The following SMC3 variants were observed in gnomAD, a reference collection of about 807,000 sequenced individuals.
SMC3 encodes the protein structural maintenance of chromosomes protein 3.
SMC3 carries 20 observed loss-of-function variants against 171.8 expected under a neutral mutation model. That is an observed-to-expected ratio of 0.12 (90% CI 0.08 to 0.17). The LOEUF is 0.17. Among genes scored for constraint, SMC3 ranks in the 10% least tolerant of loss-of-function variants. SMC3 has a pLI of 1.00. For synonymous variants in SMC3, 464 were observed against 451.1 expected (o/e 1.03, Z -0.36); for missense variants, 543 against 1,420.4 (o/e 0.38, Z 9.93).
chr10:110,601,590 C>G (rs1590570751), intron 23 of SMC3, 47 bp from the exon 24 acceptor site: 3 of 1,585,328 alleles, frequency 1.9e-6, no homozygotes, highest in Non-Finnish European at 8.6e-7. Context: ...ACATATAACA[C>G]TGGCTTTATA....
chr10:110,602,265 T>G, intron 25 of SMC3, 87 bp downstream of exon 25: 1 of 1,244,142 alleles, frequency 8.0e-7, no homozygotes, highest in South Asian at 1.2e-5. Flanking sequence ...AAAGCTGTTT[T>G]CCTCATTACC....
chr10:110,601,254 T>C, intron 23 of SMC3, 124 bp downstream of exon 23: 2 of 748,150 alleles, frequency 2.7e-6, no homozygotes, highest in Non-Finnish European at 4.7e-6. Context: ...TTATAAACAA[T>C]GTATAGCAAA....
At chr10:110,587,649 G>A (rs1309600440) in intron 13 of SMC3, among the ~76,000 whole-genome samples, 10 of 149,592 alleles carry the variant, frequency 6.7e-5, no homozygotes, top group Non-Finnish European at 1.5e-4. Flanking sequence ...TTGCACCACT[G>A]CACTCCAGCC....
chr10:110,598,235 A>G lies in SMC3; in HGVS notation c.2213A>G (p.Glu738Gly). Residue 738 changes from glutamate (E) to glycine (G), a missense_variant, in exon 20 of 29, where the codon GAA (glutamate) becomes GGA (glycine). Physicochemically the swap from Glu to Gly is moderately conservative, Grantham distance 98. Around this residue, in one of 8 missense-constraint regions of SMC3, gnomAD observed 218 missense variants for 509.6 expected, o/e 0.43. Transcript: ENST00000361804. Reference protein sequence around the residue: ...FKASRDSILSEMKMLKEKRQQ... With the variant: ...FKASRDSILSGMKMLKEKRQQ... ...GCATCTAGAGATAGCATATTATCAGAAATGAAGATGCTAAAAGAGAAGAGG... is the reference window on the plus strand; with the variant it reads ...GCATCTAGAGATAGCATATTATCAGGAATGAAGATGCTAAAAGAGAAGAGG... The G allele has an allele frequency of 6.2e-7, 1 of 1,613,978 alleles. No individual in the cohort carries two copies. The highest frequency in any genetic ancestry group is 8.5e-7 in the Non-Finnish European group (1 of 1,179,884).
At position 110,596,570 on chromosome 10, in the gene SMC3, ATAG is replaced by A. The variant is rs1861303610; in HGVS notation, c.2116+22_2116+24del. The A allele has an allele frequency of 1.9e-6, 3 of 1,609,172 alleles. No homozygotes were observed. The highest frequency in any genetic ancestry group is 1.3e-5 in the African/African-American group (1 of 74,854). On this transcript the variant is annotated intron_variant, in intron 19 of 28. Transcript: ENST00000361804. ...TTGAAAATATCTTTTTGTTTTGTGCATAGTGATAGATATTGTGGGGGAAGAACT... is the reference window on the plus strand; with the variant it reads ...TTGAAAATATCTTTTTGTTTTGTGCATGATAGATATTGTGGGGGAAGAACT...
intron 2 of SMC3, among the ~76,000 whole-genome samples, chr10:110,570,887 A>G (rs1198833451): frequency 6.6e-6 from 1 of 152,264 alleles, no homozygotes; most frequent in Non-Finnish European, 1.5e-5. Flanking sequence ...GTTGTAAGAC[A>G]TAATGTAAGA....
Position 110,602,589 on chromosome 10 carries a change from G to A in SMC3, c.3221G>A (p.Ser1074Asn), listed in dbSNP as rs749094580. ...CAGTCTCAAGATGAAGGAGAAGGGAGTGGTGAGAGTGAGAGGGGTTCTGGC... is the reference window on the plus strand; with the variant it reads ...CAGTCTCAAGATGAAGGAGAAGGGAATGGTGAGAGTGAGAGGGGTTCTGGC... ...GSQSQDEGEG[S>N]GESERGSGSQ... Residue 1074 changes from serine (S) to asparagine (N), a missense_variant, in exon 26 of 29, where the codon AGT (serine) becomes AAT (asparagine). Ser to Asn is a conservative substitution (Grantham distance 46, BLOSUM62 1). Coordinates refer to ENST00000361804, the MANE Select transcript of SMC3 (RefSeq NM_005445.4). The A allele has an allele frequency of 3.7e-6, 6 of 1,613,778 alleles. No individual in the cohort carries two copies. The East Asian group carries it at 1.3e-4, about 36-fold the overall frequency.
At chr10:110,588,180 C>T (rs1027008055) in intron 13 of SMC3, among the ~76,000 whole-genome samples, 19 of 152,058 alleles carry the variant, frequency 1.2e-4, no homozygotes, top group Non-Finnish European at 5.9e-5. Context: ...TCAGTAGAGA[C>T]GGGGTTTCAC....
chr10:110,603,174 C>A lies in SMC3; in HGVS notation c.3476-10C>A, dbSNP rs370976437. 2 of 1,595,326 alleles carry A rather than the reference C, an allele frequency of 1.3e-6. No homozygotes were observed. ...AAGAAATTTGTTAAAGCACAATTTT[C>A]TTTTTACAGATATGATTATGGAACT... On this transcript the variant is annotated splice_polypyrimidine_tract_variant and intron_variant, in intron 27 of 28. Transcript: ENST00000361804.
At chr10:110,575,279 T>C in intron 3 of SMC3, 57 bp from the exon 4 acceptor site, 1 of 1,300,696 alleles carries the variant, frequency 7.7e-7, no homozygotes, top group South Asian at 1.2e-5. Flanking sequence ...TGGGAAGTTA[T>C]AAATAAGTTA....
At chr10:110,577,957 A>C (rs768894662) in intron 6 of SMC3, 43 bp downstream of exon 6, 1 of 1,300,560 alleles carries the variant, frequency 7.7e-7, no homozygotes, top group Non-Finnish European at 1.1e-6. Flanking sequence ...ATATGTACTT[A>C]AATAGAGATG....
intron 13 of SMC3, among the ~76,000 whole-genome samples, chr10:110,584,971 A>G (rs1164484952): frequency 6.6e-6 from 1 of 151,648 alleles, no homozygotes; most frequent in African/African-American, 2.4e-5. Flanking sequence ...ACATACCCTT[A>G]ATTTAACAAG....
In SMC3 at chr10:110,598,361, T is replaced by C. The variant is rs999931841; in HGVS notation, c.2268+71T>C. ...TAATATGGAAATATGAATCATACAT[T>C]ATATGGGTTATCCTTGAATTTTATG... is the stretch of plus-strand genomic sequence containing the variant. On this transcript the variant is annotated intron_variant, in intron 20 of 28. Coordinates refer to ENST00000361804, the MANE Select transcript of SMC3 (RefSeq NM_005445.4). 2.8e-6 allele frequency: 4 copies of C among 1,427,476 alleles called. No individual in the cohort carries two copies. In the East Asian group the frequency reaches 6.9e-5, roughly 24 times the overall value. 88.4% of individuals were successfully genotyped at this position (1,427,476 alleles called of 1,614,324 possible).
chr10:110,601,134 A>G lies in SMC3; in HGVS notation c.2644+4A>G. 6.2e-7 allele frequency: 1 copy of G among 1,605,036 alleles called. No individual in the cohort carries two copies. The highest frequency in any genetic ancestry group is 8.5e-7 in the Non-Finnish European group (1 of 1,171,938). Reference sequence around the variant, plus strand: ...GACACTATGGCACGATCAGAAGGTGAATTTTTATGTAGTAAAATTTTGTTT... The same window carrying G: ...GACACTATGGCACGATCAGAAGGTGGATTTTTATGTAGTAAAATTTTGTTT... On this transcript the variant is annotated splice_donor_region_variant and intron_variant, in intron 23 of 28. Transcript: ENST00000361804.
intron 3 of SMC3, 52 bp downstream of exon 3, chr10:110,573,797 G>A (rs1458819307): frequency 8.6e-7 from 1 of 1,159,684 alleles, no homozygotes; most frequent in Admixed American, 1.7e-5. Flanking sequence ...GTATCTTAGG[G>A]TAGATTATTA....
At chr10:110,597,761 C>T (rs541537376) in intron 19 of SMC3, among the ~76,000 whole-genome samples, 2 of 152,326 alleles carry the variant, frequency 1.3e-5, no homozygotes, top group South Asian at 4.1e-4. Context: ...ACTCTTCATA[C>T]ATAAACCCTT....
At position 110,567,713 on chromosome 10, in the gene SMC3, AGCGGC is replaced by A; in HGVS notation, c.-101_-97del. ...CCATTTTGTTTGGCTGAGGGGAGCG[AGCGGC>A]GCTTTGGGGGAGGGGTCGCGTAGGC... On this transcript the variant is annotated 5_prime_UTR_variant, in exon 1 of 29. Coordinates refer to ENST00000361804, the MANE Select transcript of SMC3 (RefSeq NM_005445.4). The A allele has an allele frequency of 7.1e-7, 1 of 1,413,702 alleles. No individual in the cohort carries two copies. Among genetic ancestry groups the A allele is most frequent in the Non-Finnish European group, 9.9e-7 (1 of 1,005,994 alleles). 87.6% of individuals were successfully genotyped at this position (1,413,702 alleles called of 1,614,324 possible). A position where few individuals can be genotyped will look rare whatever the true frequency, so the allele number is the denominator to read the frequency against.
chr10:110,573,830 A>G (rs911337538), intron 3 of SMC3, 85 bp downstream of exon 3: 14 of 955,498 alleles, frequency 1.5e-5, no homozygotes, highest in Non-Finnish European at 2.2e-5. Flanking sequence ...TTCTGAGGTT[A>G]TGTATTCATG....
At chr10:110,583,126 A>G (rs1372609024) in intron 10 of SMC3, among the ~76,000 whole-genome samples, 1 of 151,946 alleles carries the variant, frequency 6.6e-6, no homozygotes. Context: ...TCCTGGGTTC[A>G]AGGAGTCCTC....
Sources: allele counts gnomAD v4.1 joint callset (sites outside exome capture counted in the v4.1 genomes callset), GRCh38; gene constraint gnomAD v4.1.1; regional missense constraint gnomAD v4.1.1; transcripts MANE v1.5; gene names NCBI Gene and HGNC (gene_info 2026-07-23, HGNC 2026-07-21).